GEN1: variants seen among roughly 807,000 people sequenced by gnomAD.
GEN1 encodes the protein GEN1 structure-specific endonuclease, also known as flap endonuclease GEN homolog 1.
In GEN1, 64 loss-of-function variants were observed where a neutral mutation model predicts 67.6. The ratio of observed to expected loss-of-function variants is 0.95; its 90% confidence interval spans 0.77 to 1.17. The LOEUF is 1.17. Ranked by LOEUF, GEN1 falls within the 50% of genes most tolerant of loss-of-function variation. The pLI, the probability that GEN1 is intolerant of heterozygous loss-of-function variation, is 0.00. For missense variants in GEN1, 1,058 were observed against 1,048.3 expected (o/e 1.01, Z -0.13); for synonymous variants, 371 against 359.4 (o/e 1.03, Z -0.37).
At chr2:17,764,690 A>G (rs1375331532) in intron 3 of GEN1, among the ~76,000 whole-genome samples, 1 of 152,220 alleles carries the variant, frequency 6.6e-6, no homozygotes, top group Non-Finnish European at 1.5e-5. Context: ...AATTTTTATT[A>G]GCACACGTAA....
rs935524053 is a variant in GEN1, at chr2:17,784,617, C to T, written c.*2678C>T. On this transcript the variant is annotated 3_prime_UTR_variant, in exon 14 of 14. Transcript: ENST00000381254. ...TGTGTATTAGCTATTGTGTGCTAAG[C>T]ATTCAACTAGATTATTTACAAACCT... 3.9e-5 allele frequency: 6 copies of T among 152,188 alleles called. No individual in the cohort carries two copies. Among genetic ancestry groups the T allele is most frequent in the African/African-American group, 1.4e-4 (6 of 41,444 alleles). 9.4% of individuals were successfully genotyped at this position (152,188 alleles called of 1,614,324 possible).
intron 12 of GEN1, among the ~76,000 whole-genome samples, chr2:17,779,202 C>G (rs929556874): frequency 6.6e-6 from 1 of 152,102 alleles, no homozygotes; most frequent in African/African-American, 2.4e-5. Context: ...GGATTACAGG[C>G]GTGAGCCACT....
chr2:17,774,779 GA>G (rs747560753), intron 11 of GEN1, among the ~76,000 whole-genome samples: 190 of 139,842 alleles, frequency 1.4e-3, no homozygotes, highest in Middle Eastern at 3.6e-3. Context: ...TCGCTTCAGA[GA>G]AAAAAAAAAA....
At chr2:17,767,877 A>G (rs1672005619) in intron 5 of GEN1, among the ~76,000 whole-genome samples, 1 of 152,266 alleles carries the variant, frequency 6.6e-6, no homozygotes, top group East Asian at 1.9e-4. Context: ...TACAAGAAGA[A>G]TGATATTCAA....
Position 17,781,492 on chromosome 2 carries a change from C to T in GEN1, c.2280C>T (p.Asn760=). ...CTTCTGTCCCTTATTCTGTCAGTAACACAGTGGTAAAGACCTGCAATGTTA... is the reference window on the plus strand; with the variant it reads ...CTTCTGTCCCTTATTCTGTCAGTAATACAGTGGTAAAGACCTGCAATGTTA... ...VNTSVPYSVS[N]TVVKTCNVRP... The change falls in exon 14 of 14, where the codon AAC becomes AAT. Residue 760 remains asparagine, a synonymous_variant. Transcript: ENST00000381254. 1 of 1,613,630 alleles carries T rather than the reference C, an allele frequency of 6.2e-7. No homozygotes were observed. The highest frequency in any genetic ancestry group is 2.2e-5 in the East Asian group (1 of 44,870).
chr2:17,759,419 A>G (rs374248286), intron 1 of GEN1, among the ~76,000 whole-genome samples: 50 of 152,342 alleles, frequency 3.3e-4, no homozygotes, highest in African/African-American at 1.1e-3. Context: ...TTTTTCTACA[A>G]TGAACATTAT....
rs531867876 is a variant in GEN1 at position 17,778,397 on chromosome 2, T to G, written c.1264+334T>G. On this transcript the variant is annotated intron_variant, in intron 12 of 13. Transcript: ENST00000381254. ...ACACACATATATGTGTGTACATATA[T>G]GTATATACACACATATATGTGTGTA... Among the ~76,000 whole-genome samples, 16 of 28,192 alleles carry G rather than the reference T, an allele frequency of 5.7e-4. 8 individuals carry two copies. The highest frequency in any genetic ancestry group is 1.3e-3 in the African/African-American group (16 of 12,608). 18.5% of individuals were successfully genotyped at this position (28,192 alleles called of 152,430 possible).
chr2:17,761,703 GAA>G, intron 3 of GEN1, 121 bp downstream of exon 3: 1 of 664,434 alleles, frequency 1.5e-6, no homozygotes, highest in African/African-American at 1.9e-5. Context: ...TGTGCCTAGA[GAA>G]AAGAGTTTAT....
In GEN1 at chr2:17,781,302, CTT is replaced by C. The variant is rs748692643; in HGVS notation, c.2092_2093del (p.Leu698ValfsTer4). ...CTACAACCAGATGTCAACCTGAAAA[CTT>C]TGTCCATACTTAGTGTAAAAGAATC... On this transcript the variant is annotated frameshift_variant, in exon 14 of 14. Coordinates refer to ENST00000381254, the MANE Select transcript of GEN1 (RefSeq NM_001130009.3). LOFTEE classifies it low-confidence loss of function (END_TRUNC). The C allele has an allele frequency of 6.2e-7, 1 of 1,613,778 alleles. No homozygotes were observed. Among genetic ancestry groups the C allele is most frequent in the South Asian group, 1.1e-5 (1 of 91,062 alleles).
intron 2 of GEN1, 147 bp downstream of exon 2, chr2:17,760,251 A>G: frequency 2.7e-6 from 2 of 730,164 alleles, no homozygotes; most frequent in South Asian, 2.2e-5. Flanking sequence ...TAGATTCACC[A>G]TCTTTATATT....
Position 17,764,971 on chromosome 2 carries a change from T to C in GEN1, c.423T>C (p.Tyr141=), listed in dbSNP as rs1671855957. The change falls in exon 4 of 14, where the codon TAT becomes TAC. Residue 141 remains tyrosine (Y), a synonymous_variant. Transcript: ENST00000381254. ...AAGEAEAMCA[Y]LNAGGHVDGC... ...GGGAAGCTGAAGCCATGTGTGCTTATCTCAATGCTGGTGGTCATGTCGATG... is the reference window on the plus strand; with the variant it reads ...GGGAAGCTGAAGCCATGTGTGCTTACCTCAATGCTGGTGGTCATGTCGATG... 2 of 1,614,198 alleles carry C rather than the reference T, an allele frequency of 1.2e-6. No individual in the cohort carries two copies. Among genetic ancestry groups the C allele is most frequent in the Non-Finnish European group, 1.7e-6 (2 of 1,180,022 alleles).
intron 8 of GEN1, 149 bp from the exon 9 acceptor site, chr2:17,772,947 T>C: frequency 1.3e-6 from 1 of 798,016 alleles, no homozygotes; most frequent in Non-Finnish European, 2.0e-6. Context: ...TAGGAGATAG[T>C]AATGTAATAG....
Position 17,766,573 on chromosome 2 carries a change from C to T in GEN1, c.526-6C>T. On this transcript the variant is annotated splice_polypyrimidine_tract_variant and splice_region_variant and intron_variant, in intron 4 of 13. Coordinates refer to ENST00000381254, the MANE Select transcript of GEN1 (RefSeq NM_001130009.3). ...GAGGATTAAACTAAATCTGTTCTTT[C>T]TTTAGGACCCACATGTTGACTGTTA... The T allele has an allele frequency of 6.8e-7, 1 of 1,479,568 alleles. No individual in the cohort carries two copies. Among genetic ancestry groups the T allele is most frequent in the Non-Finnish European group, 9.4e-7 (1 of 1,064,594 alleles). 91.7% of individuals were successfully genotyped at this position (1,479,568 alleles called of 1,614,324 possible).
At chr2:17,778,687 T>G (rs1395143014) in intron 12 of GEN1, among the ~76,000 whole-genome samples, 3 of 152,158 alleles carry the variant, frequency 2.0e-5, no homozygotes, top group Non-Finnish European at 4.4e-5. Context: ...AATACATGCT[T>G]TTACAAATGC....
chr2:17,764,626 C>T (rs1671836347), intron 3 of GEN1, among the ~76,000 whole-genome samples: 1 of 152,030 alleles, frequency 6.6e-6, no homozygotes, highest in South Asian at 2.1e-4. Context: ...CCCTGTATTT[C>T]ATGTTTTCTA....
intron 11 of GEN1, among the ~76,000 whole-genome samples, chr2:17,777,072 G>A (rs1490479848): frequency 2.6e-5 from 4 of 152,098 alleles, no homozygotes; most frequent in African/African-American, 7.2e-5. Flanking sequence ...GTTACAGTGA[G>A]CTGAGATGGT....
At chr2:17,754,840 G>A (rs974431982) in intron 1 of GEN1, 1 of 152,140 alleles carries the variant, frequency 6.6e-6, no homozygotes, top group Admixed American at 6.5e-5. Flanking sequence ...CTAAATAAAC[G>A]TCAGAAGTAA....
chr2:17,779,298 T>A (rs1672710046), intron 12 of GEN1, among the ~76,000 whole-genome samples: 1 of 152,234 alleles, frequency 6.6e-6, no homozygotes, highest in African/African-American at 2.4e-5. Context: ...AAGCTGATGT[T>A]GAGTTTTAGG....
chr2:17,782,149 T>A lies in GEN1; in HGVS notation c.*210T>A, dbSNP rs749816107. 4.0e-5 allele frequency: 17 copies of A among 424,972 alleles called. No homozygotes were observed. The highest frequency in any genetic ancestry group is 9.8e-5 in the South Asian group (2 of 20,402). The allele number at this position is 424,972 out of a possible 1,614,324, so 26.3% of individuals were successfully genotyped here. ...TCTGTATTGAAAACTTCTGATAATG[T>A]ATGTCATTATGTCCTTACTATTCCT... On this transcript the variant is annotated 3_prime_UTR_variant, in exon 14 of 14. Transcript: ENST00000381254.
Sources: gnomAD v4.1 joint callset for allele counts (sites outside exome capture counted in the v4.1 genomes callset) on GRCh38, gnomAD v4.1.1 for gene constraint, MANE v1.5 for transcripts, NCBI Gene and HGNC (gene_info 2026-07-23, HGNC 2026-07-21) for gene names.